HMGB1: variants seen among roughly 807,000 people sequenced by gnomAD.
HMGB1 encodes high mobility group box 1, also known as high mobility group protein B1.
For synonymous variants in HMGB1, 81 were observed against 84.0 expected, an observed-to-expected ratio of 0.96 and a Z score of 0.19; for missense variants, 79 against 253.5, an observed-to-expected ratio of 0.31 and a Z score of 4.67.
At chr13:30,484,268 C>A (rs559905139) in intron 1 of HMGB1, among the ~76,000 whole-genome samples, 1 of 152,310 alleles carries the variant, frequency 6.6e-6, no homozygotes, top group Non-Finnish European at 1.5e-5. Flanking sequence ...CCCTGCAGGG[C>A]AGGGTGTGCT....
intron 1 of HMGB1, among the ~76,000 whole-genome samples, chr13:30,471,948 G>A (rs1460930535): frequency 3.3e-5 from 5 of 151,606 alleles, no homozygotes; most frequent in South Asian, 2.1e-4. Context: ...GATTACAGGC[G>A]TGAGCCACCG....
At chr13:30,553,276 C>T (rs1305511625) in intron 1 of HMGB1, among the ~76,000 whole-genome samples, 6 of 152,164 alleles carry the variant, frequency 3.9e-5, no homozygotes, top group Middle Eastern at 3.2e-3. Context: ...CAAATAAACT[C>T]CCTACCTACC....
At chr13:30,597,750 A>AT (rs202084804) in intron 1 of HMGB1, among the ~76,000 whole-genome samples, 153 of 149,846 alleles carry the variant, frequency 1.0e-3, no homozygotes, top group Admixed American at 2.6e-3. Context: ...TTTCTGTTAC[A>AT]TTTTTTTTTT....
intron 1 of HMGB1, among the ~76,000 whole-genome samples, chr13:30,582,743 C>T (rs1870960405): frequency 6.6e-6 from 1 of 152,102 alleles, no homozygotes; most frequent in South Asian, 2.1e-4. Context: ...TATTTGTTAT[C>T]TAATATAACC....
chr13:30,464,642 G>T (rs1252105810), intron 1 of HMGB1: 2 of 983,788 alleles, frequency 2.0e-6, no homozygotes, highest in Admixed American at 1.2e-4. Flanking sequence ...TCGAAATGGG[G>T]GCTGGCTCCG....
At chr13:30,554,459 C>G in intron 1 of HMGB1, 1 of 991,510 alleles carries the variant, frequency 1.0e-6, no homozygotes, top group Admixed American at 1.7e-5. Flanking sequence ...GACCCCAGAT[C>G]AACTGAGATT....
chr13:30,544,093 C>T (rs1023304188), intron 1 of HMGB1, among the ~76,000 whole-genome samples: 1 of 152,214 alleles, frequency 6.6e-6, no homozygotes, highest in Non-Finnish European at 1.5e-5. Context: ...CTGCAGGTGA[C>T]TGCCATGTGG....
intron 1 of HMGB1, among the ~76,000 whole-genome samples, chr13:30,579,665 C>G (rs1870816794): frequency 6.6e-6 from 1 of 152,120 alleles, no homozygotes; most frequent in Admixed American, 6.5e-5. Flanking sequence ...TGGGATCTTC[C>G]TCACAGAGTA....
At chr13:30,556,702 A>T (rs185837867) in intron 1 of HMGB1, among the ~76,000 whole-genome samples, 137 of 152,364 alleles carry the variant, frequency 9.0e-4, no homozygotes, top group Non-Finnish European at 1.4e-3. Flanking sequence ...CGAAAGCTAA[A>T]AAAAGTTGAT....
intron 4 of HMGB1, 70 bp downstream of exon 4, chr13:30,462,468 C>T: frequency 7.8e-7 from 1 of 1,288,864 alleles, no homozygotes; most frequent in Non-Finnish European, 1.1e-6. Flanking sequence ...CTTATTACAC[C>T]TCAAACTAAG....
chr13:30,517,778 T>A (rs1453250159), intron 1 of HMGB1, among the ~76,000 whole-genome samples: 3 of 152,148 alleles, frequency 2.0e-5, no homozygotes, highest in Admixed American at 6.6e-5. Context: ...TCCTCTGTAG[T>A]TCTCTCCACG....
At chr13:30,542,628 T>G (rs1447185337) in intron 1 of HMGB1, 1 of 175,332 alleles carries the variant, frequency 5.7e-6, no homozygotes, top group Admixed American at 6.2e-5. Flanking sequence ...GTCCTGAAAA[T>G]GCCACAGCCT....
chr13:30,473,204 T>G (rs1886986962), intron 1 of HMGB1, among the ~76,000 whole-genome samples: 1 of 152,146 alleles, frequency 6.6e-6, no homozygotes, highest in South Asian at 2.1e-4. Flanking sequence ...CAGCCCGAGT[T>G]TTCCGGGGGG....
chr13:30,573,873 G>A (rs1386521201), intron 1 of HMGB1, among the ~76,000 whole-genome samples: 5 of 152,068 alleles, frequency 3.3e-5, no homozygotes, highest in Admixed American at 1.3e-4. Context: ...TGGCTGATCT[G>A]GAACTCCTGG....
intron 3 of HMGB1, 68 bp downstream of exon 3, chr13:30,463,139 C>T: frequency 6.9e-7 from 1 of 1,446,694 alleles, no homozygotes; most frequent in South Asian, 1.2e-5. Flanking sequence ...GACAAAGTAG[C>T]TTGCTAAATT....
At chr13:30,546,822 T>C (rs563263547) in intron 1 of HMGB1, among the ~76,000 whole-genome samples, 1 of 152,346 alleles carries the variant, frequency 6.6e-6, no homozygotes, top group South Asian at 2.1e-4. Flanking sequence ...TCATTAATTA[T>C]TGAATTTTCA....
At chr13:30,533,853 T>C (rs1888551281) in intron 1 of HMGB1, among the ~76,000 whole-genome samples, 1 of 151,036 alleles carries the variant, frequency 6.6e-6, no homozygotes, top group Admixed American at 6.7e-5. Context: ...TAGTAAATCC[T>C]GGTAAAGACT....
At chr13:30,589,371 A>G (rs908871617) in intron 1 of HMGB1, among the ~76,000 whole-genome samples, 1 of 152,176 alleles carries the variant, frequency 6.6e-6, no homozygotes, top group African/African-American at 2.4e-5. Flanking sequence ...AGGGTCACAA[A>G]GATTGTAAGT....
chr13:30,605,017 G>T (rs1051999002), intron 1 of HMGB1, among the ~76,000 whole-genome samples: 2 of 152,138 alleles, frequency 1.3e-5, no homozygotes, highest in Non-Finnish European at 2.9e-5. Context: ...AAGGTATGAG[G>T]GGAAAATAGG....
Sources: allele counts gnomAD v4.1 joint callset (sites outside exome capture counted in the v4.1 genomes callset), GRCh38; gene constraint gnomAD v4.1.1; transcripts MANE v1.5; gene names NCBI Gene and HGNC (gene_info 2026-07-23, HGNC 2026-07-21).